Variants in ZNF444 observed in about 807,000 individuals in gnomAD.
ZNF444 encodes the protein endothelial zinc finger protein 2.
Under a neutral mutation model 14.4 loss-of-function variants are expected in ZNF444, and 8 were observed. That is an observed-to-expected ratio of 0.56 (90% CI 0.33 to 1.00). The LOEUF (loss-of-function observed/expected upper bound fraction) is 1.00. Ranked by LOEUF, ZNF444 falls within the 50% of genes least tolerant of loss-of-function variation. The pLI, the probability that ZNF444 is intolerant of heterozygous loss-of-function variation, is 0.03. For synonymous variants in ZNF444, 258 were observed against 235.9 expected (o/e 1.09, Z -0.86); for missense variants, 510 against 504.8 (o/e 1.01, Z -0.10).
Position 56,159,664 on chromosome 19 carries a change from C to A in ZNF444, c.447C>A (p.Asp149Glu). 6.6e-7 allele frequency: 1 copy of A among 1,504,264 alleles called. No homozygotes were observed. The highest frequency in any genetic ancestry group is 1.4e-5 in the African/African-American group (1 of 71,098). 93.2% of individuals were successfully genotyped at this position (1,504,264 alleles called of 1,614,324 possible). A position where few individuals can be genotyped will look rare whatever the true frequency, so the allele number is the denominator to read the frequency against. ...GGGCTGAGGGGCCGGCGCCTGGGGA[C>A]TCCCAGGCTGTGCGCCCCTACAAGC... ...APGAEGPAPG[D>E]SQAVRPYKQE... Residue 149 changes from aspartate to glutamate, a missense_variant, in exon 5 of 5, where the codon GAC becomes GAA. By Grantham distance (45) the Asp-to-Glu change is conservative. Transcript: ENST00000337080.
At chr19:56,136,563 C>T (rs924944044), upstream of ZNF444, among the ~76,000 whole-genome samples, 4 of 152,156 alleles carry the variant, frequency 2.6e-5, no homozygotes, top group African/African-American at 4.8e-5. Flanking sequence ...TTATTGAACT[C>T]GTACTCCCTG....
chr19:56,158,465 C>G, intron 3 of ZNF444, 29 bp from the exon 4 acceptor site: 1 of 1,579,174 alleles, frequency 6.3e-7, no homozygotes, highest in Non-Finnish European at 8.6e-7. Flanking sequence ...GCTCAGGTTT[C>G]TGAGTTCAAA....
In ZNF444 at chr19:56,160,156, G is replaced by A. The variant is rs1398693330; in HGVS notation, c.939G>A (p.Pro313=). Residue 313 remains proline (P), a synonymous_variant, in exon 5 of 5, where the codon CCG becomes CCA. Coordinates refer to ENST00000337080, the MANE Select transcript of ZNF444 (RefSeq NM_018337.4). The stretch of plus-strand genomic sequence containing the variant: ...CCAGCGCGCAGGGGGCGGTAGCTCC[G>A]GGCCCGGATGGTGGAGGCCCCTTCC... The part of the protein sequence containing the change: ...AAASAQGAVA[P]GPDGGGPFPP... The A allele has an allele frequency of 1.4e-5, 21 of 1,480,632 alleles. No homozygotes were observed. The highest frequency in any genetic ancestry group is 1.6e-5 in the Non-Finnish European group (18 of 1,124,804). 91.7% of individuals were successfully genotyped at this position (1,480,632 alleles called of 1,614,324 possible). A position where few individuals can be genotyped will look rare whatever the true frequency, so the allele number is the denominator to read the frequency against.
chr19:56,133,976 A>G (rs1310509028), intron 1 of ZNF444, among the ~76,000 whole-genome samples: 1 of 152,108 alleles, frequency 6.6e-6, no homozygotes, highest in Non-Finnish European at 1.5e-5. Flanking sequence ...GAAGCCAAAG[A>G]TGACTCAGGT....
At chr19:56,139,314 G>A (rs772151238), upstream of ZNF444, among the ~76,000 whole-genome samples, 6 of 152,094 alleles carry the variant, frequency 3.9e-5, no homozygotes, top group Non-Finnish European at 8.8e-5. Flanking sequence ...ATAGACGGGA[G>A]AGCTGTGGAC....
rs187473389 is a variant in ZNF444, at chr19:56,133,148, G to C, written c.-197+370G>C. Among the ~76,000 whole-genome samples the C allele has an allele frequency of 4.9e-3, 742 of 151,800 alleles. 8 individuals carry two copies. The highest frequency in any genetic ancestry group is 0.017 in the African/African-American group (702 of 41,402). ...AGATGTGGTTTCACCATGTTGGCCAGACTGGTCTCAAACTCCTGACCTCAG... is the reference window on the plus strand; with the variant it reads ...AGATGTGGTTTCACCATGTTGGCCACACTGGTCTCAAACTCCTGACCTCAG... On this transcript the variant is annotated intron_variant, in intron 1 of 2. Coordinates refer to the ZNF444 transcript ENST00000587467.
In ZNF444 at chr19:56,144,469, C is replaced by A. The variant is rs1231747051; in HGVS notation, c.-196-1778C>A. Among the ~76,000 whole-genome samples the A allele has an allele frequency of 6.6e-6, 1 of 151,972 alleles. No individual in the cohort carries two copies. Among genetic ancestry groups the A allele is most frequent in the East Asian group, 1.9e-4 (1 of 5,178 alleles). On this transcript the variant is annotated intron_variant, in intron 1 of 4. Coordinates refer to ENST00000337080, the MANE Select transcript of ZNF444 (RefSeq NM_018337.4). This position sits in a 1 kb window ranked among gnomAD's most constrained non-coding sequence, Gnocchi z 4.0. ...CAGGAAGCAGTTGGAGGGCACTGAG[C>A]AAGGAAGTGACAGGGATTTACAGTG...
chr19:56,138,921 C>T (rs150012404), upstream of ZNF444, among the ~76,000 whole-genome samples: 2,926 of 150,462 alleles, frequency 0.019, 88 homozygotes, highest in African/African-American at 0.066. Context: ...CTCACCCTCC[C>T]GAGTAGCTGG....
chr19:56,155,056 G>C (rs1331621415), intron 3 of ZNF444: 1 of 152,244 alleles, frequency 6.6e-6, no homozygotes, highest in Non-Finnish European at 1.5e-5. Flanking sequence ...CGATTCCTGA[G>C]CCCTCCAGGG....
intron 3 of ZNF444, chr19:56,154,794 T>C (rs1394302303): frequency 1.3e-5 from 2 of 151,748 alleles, no homozygotes; most frequent in Admixed American, 6.6e-5. Context: ...AGCAGCTTGA[T>C]CCCACAGTGG....
At position 56,144,258 on chromosome 19, in the gene ZNF444, G is replaced by T. The variant is rs552474918; in HGVS notation, c.-196-1989G>T. ...CAGGAGGTCGGGGCTGCAATGAGCC[G>T]AGAGGTCATGCCACCGCTCCAGCCT... On this transcript the variant is annotated intron_variant, in intron 1 of 4. Transcript: ENST00000337080. The surrounding 1 kb of genome is among the most constrained non-coding windows in gnomAD (Gnocchi z 4.0). 1.3e-5 allele frequency among the ~76,000 whole-genome samples: 2 copies of T among 152,082 alleles called. No individual in the cohort carries two copies. The highest frequency in any genetic ancestry group is 2.9e-5 in the Non-Finnish European group (2 of 67,990).
rs766463931 is a variant in ZNF444, at chr19:56,147,947, A to T, written c.297+739A>T. 4.6e-5 allele frequency among the ~76,000 whole-genome samples: 7 copies of T among 152,176 alleles called. No individual in the cohort carries two copies. The highest frequency in any genetic ancestry group is 8.8e-5 in the Non-Finnish European group (6 of 68,026). ...CACCCACTCATGTCACCTGGGGCTG[A>T]CACTTGCCACCGTGATGACCACAGA... is the stretch of plus-strand genomic sequence containing the variant. On this transcript the variant is annotated intron_variant, in intron 3 of 4. Coordinates refer to ENST00000337080, the MANE Select transcript of ZNF444 (RefSeq NM_018337.4). The surrounding 1 kb of genome is among the most constrained non-coding windows in gnomAD (Gnocchi z 5.9).
intron 3 of ZNF444, among the ~76,000 whole-genome samples, chr19:56,152,058 A>T (rs1164286673): frequency 6.6e-6 from 1 of 152,112 alleles, no homozygotes; most frequent in African/African-American, 2.4e-5. Context: ...TCGGCCGGGC[A>T]TGGTGGCTCA....
chr19:56,148,860 T>C (rs2031380825), intron 3 of ZNF444, among the ~76,000 whole-genome samples: 1 of 152,132 alleles, frequency 6.6e-6, no homozygotes, highest in Non-Finnish European at 1.5e-5. Context: ...ACGTCCCTTC[T>C]CAAGTCTCCA....
chr19:56,149,524 G>A (rs1568555695), intron 3 of ZNF444, among the ~76,000 whole-genome samples: 1 of 152,160 alleles, frequency 6.6e-6, no homozygotes, highest in African/African-American at 2.4e-5. Context: ...TACATGTGCT[G>A]AACGTGCAGG....
chr19:56,146,503 C>T (rs867666907), intron 2 of ZNF444, 83 bp downstream of exon 2: 2 of 161,862 alleles, frequency 1.2e-5, no homozygotes, highest in Non-Finnish European at 1.3e-5. Context: ...AAGCGCGGGT[C>T]CCAGGCCGGG....
Position 56,145,760 on chromosome 19 carries a change from G to A in ZNF444, c.-196-487G>A, listed in dbSNP as rs555659836. 5.1e-4 allele frequency among the ~76,000 whole-genome samples: 78 copies of A among 152,172 alleles called. No homozygotes were observed. Among genetic ancestry groups the A allele is most frequent in the South Asian group, 1.0e-3 (5 of 4,830 alleles). Reference sequence around the variant, plus strand: ...CCAGCGGAAGGGACTGGGACAGGCCGTCATAGCTGTCATAGCGGAGCACCG... The same window carrying A: ...CCAGCGGAAGGGACTGGGACAGGCCATCATAGCTGTCATAGCGGAGCACCG... On this transcript the variant is annotated intron_variant, in intron 1 of 4. Transcript: ENST00000337080. The surrounding 1 kb of genome is among the most constrained non-coding windows in gnomAD (Gnocchi z 4.3).
upstream of ZNF444, among the ~76,000 whole-genome samples, chr19:56,137,809 C>T (rs141649740): frequency 6.6e-6 from 1 of 152,124 alleles, no homozygotes; most frequent in Non-Finnish European, 1.5e-5. Flanking sequence ...AGTGACATGA[C>T]CCTATTTAAG....
At chr19:56,138,350 G>T (rs2030658594), upstream of ZNF444, among the ~76,000 whole-genome samples, 1 of 152,056 alleles carries the variant, frequency 6.6e-6, no homozygotes, top group African/African-American at 2.4e-5. Context: ...AACTGGGCTG[G>T]GCATGGTGGC....
Sources: gnomAD v4.1 joint callset for allele counts (sites outside exome capture counted in the v4.1 genomes callset) on GRCh38, gnomAD v4.1.1 for gene constraint, Gnocchi (gnomAD v3.1) non-coding constraint, MANE v1.5 for transcripts, NCBI Gene and HGNC (gene_info 2026-07-23, HGNC 2026-07-21) for gene names.